DENND2B: variants seen among roughly 807,000 people sequenced by gnomAD.
DENND2B encodes DENN domain-containing protein 2B.
Under a neutral mutation model 116.0 loss-of-function variants are expected in DENND2B, and 32 were observed. That is an observed-to-expected ratio of 0.28 (90% CI 0.21 to 0.37). The LOEUF (loss-of-function observed/expected upper bound fraction) is 0.37. Among genes scored for constraint, DENND2B ranks in the 10% least tolerant of loss-of-function variants. The pLI, the probability that DENND2B is intolerant of heterozygous loss-of-function variation, is 1.00. For synonymous variants in DENND2B, 588 were observed against 583.9 expected, an observed-to-expected ratio of 1.01 and a Z score of -0.10; for missense variants, 1,276 against 1,477.7, an observed-to-expected ratio of 0.86 and a Z score of 2.24.
chr11:8,857,896 G>A (rs184939512), intron 2 of DENND2B, among the ~76,000 whole-genome samples: 1 of 152,214 alleles, frequency 6.6e-6, no homozygotes, highest in African/African-American at 2.4e-5. Context: ...AGTATTCTTC[G>A]ATTCCTATAT....
intron 1 of DENND2B, among the ~76,000 whole-genome samples, chr11:8,910,430 G>C (rs1201624438): frequency 6.6e-6 from 1 of 151,938 alleles, no homozygotes; most frequent in African/African-American, 2.4e-5. Context: ...GTCTTCCTCT[G>C]TCGCCCAGGC....
chr11:8,815,912 G>A (rs1024327170), intron 4 of DENND2B, among the ~76,000 whole-genome samples: 1 of 152,220 alleles, frequency 6.6e-6, no homozygotes, highest in African/African-American at 2.4e-5. Context: ...GGGAATTTGA[G>A]TGGATGGACC....
At position 8,730,325 on chromosome 11, in the gene DENND2B, G is replaced by A; in HGVS notation, c.965C>T (p.Ser322Phe). ...CGCGCCCCCTGCCGGCTCCTCCAAG[G>A]AGCCCAAGGTTCCAGTCTTCCTTTT... is the stretch of plus-strand genomic sequence containing the variant. ...RGKRKTGTLGSLEEPAGGASV... is the reference protein window; with the variant it reads ...RGKRKTGTLGFLEEPAGGASV... The change falls in exon 3 of 20, where the codon TCC (serine) becomes TTC (phenylalanine). Residue 322 changes from serine to phenylalanine, a missense_variant. Around this residue, in one of 2 missense-constraint regions of DENND2B, gnomAD observed 856 missense variants for 846.6 expected, o/e 1.01. Coordinates refer to ENST00000313726, the MANE Select transcript of DENND2B (RefSeq NM_213618.2). The surrounding 1 kb of genome is among the most constrained non-coding windows in gnomAD (Gnocchi z 4.1). The A allele has an allele frequency of 6.2e-7, 1 of 1,601,542 alleles. No homozygotes were observed. The highest frequency in any genetic ancestry group is 8.5e-7 in the Non-Finnish European group (1 of 1,177,594).
chr11:8,856,763 T>C (rs1212728097), intron 3 of DENND2B, among the ~76,000 whole-genome samples: 3 of 151,528 alleles, frequency 2.0e-5, no homozygotes, highest in Admixed American at 6.6e-5. Context: ...TTTTTTTTTT[T>C]TTTCTTTCTT....
chr11:8,710,753 GCACACACACACACACACACACACACACA>G (rs56230708), intron 11 of DENND2B, 64 bp downstream of exon 11: 37 of 831,602 alleles, frequency 4.4e-5, no homozygotes, highest in South Asian at 1.6e-4. Flanking sequence ...TTGCAGAAGG[GCACACACACACACACACACACACACACA>G]CACACACACA....
intron 4 of DENND2B, among the ~76,000 whole-genome samples, chr11:8,836,053 A>G (rs1012295774): frequency 3.2e-4 from 49 of 152,222 alleles, no homozygotes; most frequent in African/African-American, 1.2e-3. Context: ...ACATAAAAAC[A>G]TGGTGAATAT....
intron 19 of DENND2B, among the ~76,000 whole-genome samples, 186 bp from the exon 20 acceptor site, chr11:8,694,316 C>T (rs1396453758): frequency 6.6e-6 from 1 of 152,178 alleles, no homozygotes; most frequent in East Asian, 1.9e-4. Flanking sequence ...CGGTATTAAT[C>T]ACTGTGTGGT....
chr11:8,910,055 A>G (rs979382723), intron 1 of DENND2B: 1 of 151,948 alleles, frequency 6.6e-6, no homozygotes, highest in African/African-American at 2.4e-5. Flanking sequence ...ACAGTTCCTT[A>G]CTTAAACATG....
At chr11:8,774,488 T>C (rs1279984670) in intron 1 of DENND2B, among the ~76,000 whole-genome samples, 1 of 152,074 alleles carries the variant, frequency 6.6e-6, no homozygotes, top group East Asian at 1.9e-4. Context: ...GCTGACAGAG[T>C]TGCGCTTCTG....
At chr11:8,778,565 T>C (rs138517479) in intron 1 of DENND2B, among the ~76,000 whole-genome samples, 1 of 152,350 alleles carries the variant, frequency 6.6e-6, no homozygotes, top group East Asian at 1.9e-4. Flanking sequence ...AGTCTGCCAA[T>C]TGGCTTGCTG....
intron 4 of DENND2B, among the ~76,000 whole-genome samples, chr11:8,825,009 A>G (rs2061924360): frequency 6.6e-6 from 1 of 152,036 alleles, no homozygotes; most frequent in Non-Finnish European, 1.5e-5. Flanking sequence ...TCTTATAATC[A>G]AATCATTTAT....
At chr11:8,762,317 A>G (rs564387737) in intron 1 of DENND2B, among the ~76,000 whole-genome samples, 3 of 152,028 alleles carry the variant, frequency 2.0e-5, no homozygotes, top group African/African-American at 7.2e-5. Context: ...GTGTGTTCCT[A>G]CCCCAGGGCC....
intron 1 of DENND2B, among the ~76,000 whole-genome samples, chr11:8,897,633 T>G (rs1444783315): frequency 6.6e-6 from 1 of 152,200 alleles, no homozygotes; most frequent in East Asian, 1.9e-4. Context: ...TAGTGGAACC[T>G]GATACCCTTG....
chr11:8,774,807 G>A (rs893605202), intron 1 of DENND2B, among the ~76,000 whole-genome samples: 2 of 151,948 alleles, frequency 1.3e-5, no homozygotes, highest in Non-Finnish European at 2.9e-5. Flanking sequence ...CTCCCCTGGG[G>A]AGACTGAGAT....
intron 1 of DENND2B, among the ~76,000 whole-genome samples, chr11:8,902,065 T>C (rs927797603): frequency 3.9e-5 from 6 of 152,168 alleles, no homozygotes; most frequent in Admixed American, 3.9e-4. Flanking sequence ...CGGTGGCTCA[T>C]GCCTGTAATC....
intron 7 of DENND2B, 120 bp from the exon 8 acceptor site, chr11:8,714,162 G>T: frequency 9.5e-7 from 1 of 1,056,402 alleles, no homozygotes; most frequent in Non-Finnish European, 1.4e-6. Context: ...GCTACTCTGG[G>T]CCCATGGTCA....
At chr11:8,890,356 A>T (rs1194725771) in intron 1 of DENND2B, among the ~76,000 whole-genome samples, 4 of 152,252 alleles carry the variant, frequency 2.6e-5, no homozygotes, top group African/African-American at 7.2e-5. Context: ...CAAAGGAACG[A>T]AGCTCCTCGC....
chr11:8,703,538 C>T (rs1305464967), intron 13 of DENND2B: 1 of 152,526 alleles, frequency 6.6e-6, no homozygotes, highest in Admixed American at 6.5e-5. Context: ...AGCAGCTGTC[C>T]CTGGGGTCTG....
chr11:8,847,196 C>T (rs1478900023), intron 3 of DENND2B, among the ~76,000 whole-genome samples: 1 of 152,234 alleles, frequency 6.6e-6, no homozygotes, highest in African/African-American at 2.4e-5. Context: ...GACACGCCCA[C>T]ATGGTACAAA....
Sources: gnomAD v4.1 joint callset for allele counts (sites outside exome capture counted in the v4.1 genomes callset) on GRCh38, gnomAD v4.1.1 for gene constraint, gnomAD v4.1.1 regional missense constraint, Gnocchi (gnomAD v3.1) non-coding constraint, MANE v1.5 for transcripts, NCBI Gene and HGNC (gene_info 2026-07-23, HGNC 2026-07-21) for gene names.